SHANK2: variants seen among roughly 807,000 people sequenced by gnomAD.
SHANK2 encodes SH3 and multiple ankyrin repeat domains protein 2.
In SHANK2, 43 loss-of-function variants were observed where a neutral mutation model predicts 133.7. The ratio of observed to expected loss-of-function variants is 0.32; its 90% CI spans 0.25 to 0.41. The LOEUF (loss-of-function observed/expected upper bound fraction) is 0.41, where lower values mean the gene tolerates loss of function less well. Ranked by LOEUF, SHANK2 falls within the 10% of genes least tolerant of loss-of-function variation. SHANK2 has a pLI of 1.00. For missense variants in SHANK2, 1,994 were observed against 2,235.8 expected, an observed-to-expected ratio of 0.89 and a Z score of 2.18; for synonymous variants, 1,017 against 952.8, an observed-to-expected ratio of 1.07 and a Z score of -1.24.
intron 14 of SHANK2, among the ~76,000 whole-genome samples, chr11:70,754,856 G>T (rs1416512071): frequency 1.3e-5 from 2 of 152,104 alleles, no homozygotes; most frequent in African/African-American, 2.4e-5. Context: ...CCGAAGAGCT[G>T]GGAAGTGCTG....
At chr11:71,151,536 G>A (rs1952797166) in intron 2 of SHANK2, among the ~76,000 whole-genome samples, 1 of 152,198 alleles carries the variant, frequency 6.6e-6, no homozygotes, top group South Asian at 2.1e-4. Flanking sequence ...GGCCCTGCTG[G>A]GTTGGAAAGC....
intron 2 of SHANK2, among the ~76,000 whole-genome samples, chr11:71,197,594 G>A (rs980554794): frequency 6.6e-6 from 1 of 152,220 alleles, no homozygotes; most frequent in African/African-American, 2.4e-5. Context: ...TGGACCCCAT[G>A]GGTCTCAGAT....
chr11:71,158,028 A>T (rs2135453519), intron 2 of SHANK2, among the ~76,000 whole-genome samples: 1 of 152,340 alleles, frequency 6.6e-6, no homozygotes, highest in African/African-American at 2.4e-5. Context: ...AGTCATGACC[A>T]AAGTCTTGGA....
chr11:70,505,209 AG>A (rs1269069585), intron 17 of SHANK2, among the ~76,000 whole-genome samples: 2 of 152,232 alleles, frequency 1.3e-5, no homozygotes, highest in East Asian at 1.9e-4. Context: ...AGCGGTAGGC[AG>A]GGGGGCGCAG....
chr11:71,195,302 G>A (rs1189048222), intron 2 of SHANK2, among the ~76,000 whole-genome samples: 2 of 152,094 alleles, frequency 1.3e-5, no homozygotes, highest in Non-Finnish European at 2.9e-5. Context: ...TAAGGCAGGA[G>A]AATGGCGTGA....
intron 17 of SHANK2, among the ~76,000 whole-genome samples, chr11:70,638,551 C>T (rs912858480): frequency 1.3e-5 from 2 of 152,326 alleles, no homozygotes; most frequent in East Asian, 1.9e-4. Context: ...AGGAGCAGCT[C>T]TTCTGTCAAC....
rs562174838 is a variant in SHANK2, at chr11:70,764,517, C to T, written c.1777+33926G>A. On this transcript the variant is annotated intron_variant, in intron 14 of 25. Transcript: ENST00000601538. ...TCCCTCCCCTCTCTCTTCTATCCAT[C>T]TATCCATTCACCCACCCATCCACCC... Among the ~76,000 whole-genome samples the T allele has an allele frequency of 1.1e-4, 16 of 150,818 alleles. No homozygotes were observed. The South Asian group carries it at 3.4e-3, about 32-fold the overall frequency.
At chr11:70,903,391 T>TAAATAAAATAAAAAATAAAATA (rs1950050633) in intron 10 of SHANK2, among the ~76,000 whole-genome samples, 1 of 125,824 alleles carries the variant, frequency 7.9e-6, no homozygotes, top group Non-Finnish European at 1.6e-5. Context: ...TAAAATAAAG[T>TAAATAAAATAAAAAATAAAATA]AAATAAAATA....
chr11:70,876,997 C>G (rs543530796), intron 11 of SHANK2, among the ~76,000 whole-genome samples: 1 of 152,194 alleles, frequency 6.6e-6, no homozygotes, highest in Non-Finnish European at 1.5e-5. Flanking sequence ...GAGATTCTAA[C>G]AGCTGGAACA....
At chr11:71,236,253 T>C (rs1047444812) in intron 1 of SHANK2, among the ~76,000 whole-genome samples, 2 of 152,164 alleles carry the variant, frequency 1.3e-5, no homozygotes, top group African/African-American at 4.8e-5. Flanking sequence ...AGGAACAAAA[T>C]TTAAAAATGC....
At chr11:71,114,326 T>A (rs1469150278) in intron 4 of SHANK2, among the ~76,000 whole-genome samples, 1 of 151,914 alleles carries the variant, frequency 6.6e-6, no homozygotes, top group African/African-American at 2.4e-5. Context: ...CGGTTACACA[T>A]GTGCTCAGAG....
At chr11:70,574,824 A>T (rs1329181215) in intron 17 of SHANK2, among the ~76,000 whole-genome samples, 1 of 152,176 alleles carries the variant, frequency 6.6e-6, no homozygotes, top group Non-Finnish European at 1.5e-5. Flanking sequence ...AGCCCCTCTG[A>T]AACCATTATG....
intron 11 of SHANK2, among the ~76,000 whole-genome samples, chr11:70,835,339 C>G (rs567151002): frequency 2.0e-5 from 3 of 152,190 alleles, no homozygotes; most frequent in Non-Finnish European, 4.4e-5. Context: ...TGTGCTGAGA[C>G]GTGCTCCGCC....
chr11:70,486,206 C>G lies in SHANK2; in HGVS notation c.4087G>C (p.Ala1363Pro). The G allele has an allele frequency of 6.2e-7, 1 of 1,613,760 alleles. No homozygotes were observed. The highest frequency in any genetic ancestry group is 8.5e-7 in the Non-Finnish European group (1 of 1,179,848). ...SETEGALQIS[A>P]APEPTTVPGR... is the part of the protein sequence containing the mutation. The stretch of plus-strand genomic sequence containing the variant: ...GGCACGGTGGTGGGCTCGGGGGCAG[C>G]GGAGATCTGTAAAGCACCTTCGGTT... The change falls in exon 25 of 26, where the codon GCT becomes CCT. Residue 1363 changes from alanine (A) to proline (P), a missense_variant. Coordinates refer to ENST00000601538, the MANE Select transcript of SHANK2 (RefSeq NM_012309.5). The surrounding 1 kb of genome is among the most constrained non-coding windows in gnomAD (Gnocchi z 8.0).
intron 17 of SHANK2, among the ~76,000 whole-genome samples, chr11:70,542,961 A>G (rs1194188350): frequency 6.6e-6 from 1 of 152,146 alleles, no homozygotes; most frequent in Admixed American, 6.5e-5. Flanking sequence ...GGGACCGCTG[A>G]CCAATCCCAC....
chr11:70,827,974 T>C (rs1948671211), intron 11 of SHANK2, among the ~76,000 whole-genome samples: 1 of 152,174 alleles, frequency 6.6e-6, no homozygotes. Context: ...CTATATCAGC[T>C]GAGCACCCGA....
chr11:70,579,970 G>A (rs1277697934), intron 17 of SHANK2, among the ~76,000 whole-genome samples: 7 of 152,224 alleles, frequency 4.6e-5, no homozygotes, highest in Admixed American at 4.6e-4. Flanking sequence ...CTCTCCTGGA[G>A]CCTCCAGCAG....
At position 70,517,888 on chromosome 11, in the gene SHANK2, T is replaced by C. The variant is rs116341044; in HGVS notation, c.2062-14957A>G. Among the ~76,000 whole-genome samples the C allele has an allele frequency of 2.3e-3, 353 of 152,334 alleles. 1 individual carries two copies. Among genetic ancestry groups the C allele is most frequent in the African/African-American group, 8.0e-3 (333 of 41,572 alleles). Reference sequence around the variant, plus strand: ...TTAATAATGGTGTATCAATATTGGCTTCTCAACTGTGTGGGACATTTGCTA... The same window carrying C: ...TTAATAATGGTGTATCAATATTGGCCTCTCAACTGTGTGGGACATTTGCTA... On this transcript the variant is annotated intron_variant, in intron 17 of 25. Transcript: ENST00000601538.
At chr11:71,109,190 A>G (rs1407667929) in intron 6 of SHANK2, among the ~76,000 whole-genome samples, 1 of 151,690 alleles carries the variant, frequency 6.6e-6, no homozygotes, top group African/African-American at 2.4e-5. Context: ...TTGCATGGAG[A>G]CCCTCACCTC....
Sources: allele counts gnomAD v4.1 joint callset (sites outside exome capture counted in the v4.1 genomes callset), GRCh38; gene constraint gnomAD v4.1.1; non-coding constraint Gnocchi (gnomAD v3.1); transcripts MANE v1.5; gene names NCBI Gene and HGNC (gene_info 2026-07-23, HGNC 2026-07-21).